The following LMO4 variants were observed in gnomAD, a reference collection of about 807,000 sequenced individuals.
LMO4 encodes the protein LIM domain only 4.
In LMO4, 3 loss-of-function variants were observed where a neutral mutation model predicts 18.5. The ratio of observed to expected loss-of-function variants is 0.16; its 90% confidence interval spans 0.07 to 0.42. The LOEUF is 0.42. LMO4 is among the 10% of genes least tolerant of loss of function. The pLI, the probability that LMO4 is intolerant of heterozygous loss-of-function variation, is 0.99. For synonymous variants in LMO4, 100 were observed against 88.1 expected, an observed-to-expected ratio of 1.14 and a Z score of -0.76; for missense variants, 121 against 219.9, an observed-to-expected ratio of 0.55 and a Z score of 2.84.
chr1:87,331,554 C>T (rs952913187), intron 1 of LMO4: 10 of 175,588 alleles, frequency 5.7e-5, no homozygotes, highest in Admixed American at 1.9e-4. Context: ...TCGGCTCTGT[C>T]CCGGGGCCCG....
chr1:87,335,072 A>C (rs1232293787), intron 2 of LMO4, among the ~76,000 whole-genome samples: 1 of 150,852 alleles, frequency 6.6e-6, no homozygotes, highest in East Asian at 2.0e-4. Context: ...GGGAGGGTGG[A>C]TCTTAAAGGG....
At chr1:87,331,891 G>A in intron 1 of LMO4, 122 bp from the exon 2 acceptor site, 2 of 801,544 alleles carry the variant, frequency 2.5e-6, no homozygotes, top group East Asian at 5.2e-5. Context: ...TTGCCCTGCT[G>A]TTTCCTTCCA....
chr1:87,345,158 C>CA lies in LMO4; in HGVS notation c.*363dup, dbSNP rs1296822138. The CA allele has an allele frequency of 8.6e-6, 2 of 233,850 alleles. No individual in the cohort carries two copies. Among genetic ancestry groups the CA allele is most frequent in the African/African-American group, 4.5e-5 (2 of 44,330 alleles). The allele number at this position is 233,850 out of a possible 1,614,324, so 14.5% of individuals were successfully genotyped here. On this transcript the variant is annotated 3_prime_UTR_variant, in exon 5 of 5. Coordinates refer to ENST00000370544, the MANE Select transcript of LMO4 (RefSeq NM_006769.4). The stretch of plus-strand genomic sequence containing the variant: ...CTACCCTCATTAACAATTAGCAGGG[C>CA]ACTGGCCAGAGTTTGTACCCTGTGT...
intron 4 of LMO4, among the ~76,000 whole-genome samples, chr1:87,340,667 A>G (rs12079008): frequency 0.05 from 7,625 of 152,274 alleles, 614 homozygotes; most frequent in African/African-American, 0.17. Context: ...CCCAATTTAC[A>G]ATTCATTTAC....
intron 2 of LMO4, among the ~76,000 whole-genome samples, chr1:87,337,665 A>C (rs1212201112): frequency 6.6e-6 from 1 of 152,168 alleles, no homozygotes; most frequent in Non-Finnish European, 1.5e-5. Context: ...AATTGTTTGA[A>C]TTTGGTATCC....
chr1:87,341,742 C>T (rs72728009), intron 4 of LMO4, among the ~76,000 whole-genome samples: 5,111 of 152,254 alleles, frequency 0.034, 112 homozygotes, highest in Non-Finnish European at 0.053. Context: ...TGGGGAGCTA[C>T]ATAGAATAAC....
chr1:87,347,574 C>T lies in LMO4; in HGVS notation c.*2778C>T, dbSNP rs1650671805. The stretch of plus-strand genomic sequence containing the variant: ...AGGACTTATTTAATATTAACCACGT[C>T]ATAGAGCAAGATGGCCCCCAGTCCC... On this transcript the variant is annotated 3_prime_UTR_variant, in exon 5 of 5. Transcript: ENST00000370544. 1 of 152,116 alleles carries T rather than the reference C, an allele frequency of 6.6e-6. No individual in the cohort carries two copies. The highest frequency in any genetic ancestry group is 6.5e-5 in the Admixed American group (1 of 15,272). 9.4% of individuals were successfully genotyped at this position (152,116 alleles called of 1,614,324 possible).
At chr1:87,336,503 C>T (rs1039010417) in intron 2 of LMO4, among the ~76,000 whole-genome samples, 10 of 152,306 alleles carry the variant, frequency 6.6e-5, no homozygotes, top group African/African-American at 2.2e-4. Context: ...ATACGATTTG[C>T]CCTCCATCTC....
chr1:87,331,954 A>G, intron 1 of LMO4, 59 bp from the exon 2 acceptor site: 1 of 1,378,498 alleles, frequency 7.3e-7, no homozygotes, highest in Non-Finnish European at 1.0e-6. Flanking sequence ...GGCGATTACT[A>G]ACTTTTGCAT....
intron 3 of LMO4, 41 bp downstream of exon 3, chr1:87,339,673 A>T: frequency 1.5e-6 from 2 of 1,301,794 alleles, no homozygotes; most frequent in Non-Finnish European, 2.2e-6. Flanking sequence ...AAAAAAAATC[A>T]TACCTTTCCT....
intron 2 of LMO4, among the ~76,000 whole-genome samples, chr1:87,335,894 C>T (rs1164172003): frequency 6.6e-6 from 1 of 150,614 alleles, no homozygotes; most frequent in African/African-American, 2.5e-5. Context: ...AACAGGATCT[C>T]AAAAATTAAT....
intron 2 of LMO4, among the ~76,000 whole-genome samples, chr1:87,335,206 C>G (rs933024482): frequency 1.3e-5 from 2 of 152,220 alleles, no homozygotes; most frequent in African/African-American, 4.8e-5. Context: ...TCGGAAACTC[C>G]GTTTCTCTTC....
intron 1 of LMO4, among the ~76,000 whole-genome samples, chr1:87,330,004 C>CTTTT (rs895271767): frequency 7.9e-6 from 1 of 127,220 alleles, no homozygotes; most frequent in African/African-American, 2.8e-5. Flanking sequence ...TAAAAGCTTT[C>CTTTT]TTTTTTTTTT....
At chr1:87,329,409 C>A (rs1650063629) in intron 1 of LMO4, among the ~76,000 whole-genome samples, 165 bp downstream of exon 1, 1 of 152,090 alleles carries the variant, frequency 6.6e-6, no homozygotes, top group Non-Finnish European at 1.5e-5. Context: ...CTACCGAGGC[C>A]GGCCTGCGAG....
chr1:87,339,464 T>G (rs755843843), intron 2 of LMO4, 72 bp from the exon 3 acceptor site: 147 of 1,041,914 alleles, frequency 1.4e-4, no homozygotes, highest in Middle Eastern at 2.5e-4. Context: ...GCCCAGAGTC[T>G]GGGGGTGTTT....
At chr1:87,344,711 CA>C in intron 4 of LMO4, 76 bp from the exon 5 acceptor site, 1 of 1,424,964 alleles carries the variant, frequency 7.0e-7, no homozygotes, top group Non-Finnish European at 9.9e-7. Context: ...GTGGGGAAGA[CA>C]AAAGCAGTCA....
chr1:87,331,919 AG>A, intron 1 of LMO4, 93 bp from the exon 2 acceptor site: 1 of 991,566 alleles, frequency 1.0e-6, no homozygotes, highest in Admixed American at 1.9e-5. Flanking sequence ...CGCGGGGAGG[AG>A]GGGAATGGGC....
chr1:87,347,083 C>T lies in LMO4; in HGVS notation c.*2287C>T, dbSNP rs1007840010. 3.9e-5 allele frequency: 6 copies of T among 152,126 alleles called. No homozygotes were observed. The highest frequency in any genetic ancestry group is 1.4e-4 in the African/African-American group (6 of 41,416). The allele number at this position is 152,126 out of a possible 1,614,324, so 9.4% of individuals were successfully genotyped here. A position where few individuals can be genotyped will look rare whatever the true frequency, so the allele number is the denominator to read the frequency against. ...AAGGTCATTACGGACTTTAAATAAACTATTATATGGCTGGTTCCTCAAGCA... is the reference window on the plus strand; with the variant it reads ...AAGGTCATTACGGACTTTAAATAAATTATTATATGGCTGGTTCCTCAAGCA... On this transcript the variant is annotated 3_prime_UTR_variant, in exon 5 of 5. Transcript: ENST00000370544.
At chr1:87,338,820 C>T (rs1354414931) in intron 2 of LMO4, among the ~76,000 whole-genome samples, 3 of 152,058 alleles carry the variant, frequency 2.0e-5, no homozygotes, top group East Asian at 3.9e-4. Context: ...CTGCTCAAAT[C>T]GAAATTTCAT....
Sources: gnomAD v4.1 joint callset for allele counts (sites outside exome capture counted in the v4.1 genomes callset) on GRCh38, gnomAD v4.1.1 for gene constraint, MANE v1.5 for transcripts, NCBI Gene and HGNC (gene_info 2026-07-23, HGNC 2026-07-21) for gene names.